UNKL: variants seen among roughly 807,000 people sequenced by gnomAD.
UNKL encodes the protein unk like zinc finger, also known as putative E3 ubiquitin-protein ligase UNKL.
A neutral mutation model predicts 78.0 loss-of-function variants in UNKL; 60 were observed. The ratio of observed to expected loss-of-function variants is 0.77; its 90% CI spans 0.63 to 0.95. The LOEUF (loss-of-function observed/expected upper bound fraction) is 0.95, where lower values mean the gene tolerates loss of function less well. Ranked by LOEUF, UNKL falls within the 40% of genes least tolerant of loss-of-function variation. The pLI is 0.00. For synonymous variants in UNKL, 608 were observed against 474.8 expected (o/e 1.28, Z -3.65); for missense variants, 1,159 against 1,045.7 (o/e 1.11, Z -1.49).
chr16:1,393,245 C>T (rs139825606), intron 7 of UNKL, among the ~76,000 whole-genome samples: 3,032 of 152,300 alleles, frequency 0.02, 43 homozygotes, highest in Non-Finnish European at 0.031. Flanking sequence ...AAATAAAAAA[C>T]AAAGGAAAAT....
At chr16:1,400,348 G>A (rs200977219) in intron 4 of UNKL, among the ~76,000 whole-genome samples, 13 of 140,510 alleles carry the variant, frequency 9.3e-5, no homozygotes, top group South Asian at 2.3e-4. Context: ...AACCTGGCAG[G>A]CGGAGGTTGC....
intron 9 of UNKL, among the ~76,000 whole-genome samples, chr16:1,388,886 T>C (rs984381613): frequency 1.3e-5 from 2 of 152,014 alleles, no homozygotes; most frequent in African/African-American, 4.8e-5. Flanking sequence ...CTGGTTTTTC[T>C]TCTCTGTATT....
rs1018283678 is a variant in UNKL at position 1,363,352 on chromosome 16, C to T, written c.*2888G>A. 4 of 475,126 alleles carry T rather than the reference C, an allele frequency of 8.4e-6. No individual in the cohort carries two copies. The highest frequency in any genetic ancestry group is 4.1e-5 in the East Asian group (1 of 24,586). 29.4% of individuals were successfully genotyped at this position (475,126 alleles called of 1,614,324 possible). The stretch of plus-strand genomic sequence containing the variant: ...TACAAGTAAATGATTATAAATACTA[C>T]CTTCTGGGTTAAGAAAATTCCATTC... On this transcript the variant is annotated 3_prime_UTR_variant, in exon 15 of 15. Coordinates refer to ENST00000389221, the MANE Select transcript of UNKL (RefSeq NM_001372107.1).
At chr16:1,396,535 C>T (rs1015264068) in intron 6 of UNKL, among the ~76,000 whole-genome samples, 1 of 151,884 alleles carries the variant, frequency 6.6e-6, no homozygotes, top group African/African-American at 2.4e-5. Context: ...CTCTGCCTCC[C>T]AAAGTGCTGA....
chr16:1,392,624 G>A (rs147488951), intron 8 of UNKL, among the ~76,000 whole-genome samples: 2 of 152,176 alleles, frequency 1.3e-5, no homozygotes, highest in African/African-American at 4.8e-5. Flanking sequence ...TAGTAGAGAT[G>A]GAGTTTCACC....
chr16:1,408,353 T>G (rs144369981), intron 2 of UNKL: 4,217 of 150,482 alleles, frequency 0.028, 77 homozygotes, highest in Non-Finnish European at 0.041. Context: ...CGGAGGGGCG[T>G]GTCGCGCGGA....
chr16:1,394,293 G>A (rs2037168377), intron 6 of UNKL, 78 bp from the exon 7 acceptor site: 8 of 1,485,614 alleles, frequency 5.4e-6, no homozygotes, highest in South Asian at 1.2e-5. Flanking sequence ...ATCATCCCAA[G>A]GGAGAGGATT....
chr16:1,395,142 G>GA (rs1470179180), intron 6 of UNKL, among the ~76,000 whole-genome samples: 1 of 148,644 alleles, frequency 6.7e-6, no homozygotes, highest in African/African-American at 2.5e-5. Context: ...TTACAGGCGT[G>GA]AACCACCGTG....
Position 1,367,189 on chromosome 16 carries a change from G to A in UNKL, c.1949C>T (p.Pro650Leu), listed in dbSNP as rs761276866. 53 of 1,605,886 alleles carry A rather than the reference G, an allele frequency of 3.3e-5. No homozygotes were observed. Among genetic ancestry groups the A allele is most frequent in the African/African-American group, 1.1e-4 (8 of 74,780 alleles). ...LEGLGVASTLPGLRGCGDIGT... is the reference protein window; with the variant it reads ...LEGLGVASTLLGLRGCGDIGT... The stretch of plus-strand genomic sequence containing the variant: ...GATGTCCCCACAGCCCCGCAGCCCC[G>A]GCAGTGTGGAGGCTACGCCCAGGCC... The change falls in exon 14 of 15, where the codon CCG (proline) becomes CTG (leucine). Residue 650 changes from proline (P) to leucine (L), a missense_variant. By Grantham distance (98) the Pro-to-Leu change is moderately conservative. Coordinates refer to ENST00000389221, the MANE Select transcript of UNKL (RefSeq NM_001372107.1).
At position 1,392,979 on chromosome 16, in the gene UNKL, G is replaced by A; in HGVS notation, c.938-3C>T. 1.3e-6 allele frequency: 2 copies of A among 1,550,468 alleles called. No individual in the cohort carries two copies. Among genetic ancestry groups the A allele is most frequent in the Non-Finnish European group, 1.7e-6 (2 of 1,146,966 alleles). On this transcript the variant is annotated splice_polypyrimidine_tract_variant and splice_region_variant and intron_variant, in intron 7 of 14. Transcript: ENST00000389221. The stretch of plus-strand genomic sequence containing the variant: ...TTCATTCACCATCCCCAGGCTCTCT[G>A]CAAGGACAGGGGAGCAGCAGACTCT...
chr16:1,407,894 T>G (rs532061996), intron 2 of UNKL, among the ~76,000 whole-genome samples: 1 of 151,374 alleles, frequency 6.6e-6, no homozygotes, highest in East Asian at 1.9e-4. Context: ...GCCACGTGTA[T>G]TTTTTTTTCC....
intron 10 of UNKL, among the ~76,000 whole-genome samples, chr16:1,377,710 C>T (rs976003019): frequency 6.6e-6 from 1 of 152,154 alleles, no homozygotes; most frequent in African/African-American, 2.4e-5. Context: ...GCTCTGCAGC[C>T]CCGAGCCCAG....
intron 6 of UNKL, among the ~76,000 whole-genome samples, chr16:1,396,857 T>C (rs2037288018): frequency 6.6e-6 from 1 of 152,198 alleles, no homozygotes. Context: ...GTGCTGGGAT[T>C]ACAGGCGTGA....
chr16:1,379,736 G>T, intron 10 of UNKL: 1 of 954,608 alleles, frequency 1.0e-6, no homozygotes, highest in South Asian at 4.8e-5. Flanking sequence ...AACGTGACTC[G>T]GCCCCGCCCC....
At chr16:1,379,730 T>G (rs1259173660) in intron 10 of UNKL, 2 of 960,460 alleles carry the variant, frequency 2.1e-6, no homozygotes, top group Non-Finnish European at 2.5e-6. Flanking sequence ...CCCCGCAACG[T>G]GACTCGGCCC....
At chr16:1,383,588 A>T in intron 10 of UNKL, 1 of 362,588 alleles carries the variant, frequency 2.8e-6, no homozygotes, top group Non-Finnish European at 5.7e-6. Flanking sequence ...CGCTGGGAAG[A>T]GTCTCTCTCT....
In UNKL at chr16:1,390,625, C is replaced by G. The variant is rs1003991703; in HGVS notation, c.1086+7G>C. 2 of 1,535,858 alleles carry G rather than the reference C, an allele frequency of 1.3e-6. No homozygotes were observed. Among genetic ancestry groups the G allele is most frequent in the African/African-American group, 2.7e-5 (2 of 73,062 alleles). On this transcript the variant is annotated splice_region_variant and intron_variant, in intron 9 of 14. Transcript: ENST00000389221. ...GCACGAGGGTGGGAAACCTTGGGGG[C>G]CTGTACCTGCTTGCTGTCTTGCTCG...
chr16:1,408,563 G>C (rs1285416944), intron 2 of UNKL: 2 of 154,780 alleles, frequency 1.3e-5, no homozygotes, highest in Admixed American at 1.3e-4. Flanking sequence ...GGAGCCATAG[G>C]ATGAGGAAGA....
At chr16:1,407,531 CA>C (rs2142255200) in intron 2 of UNKL, among the ~76,000 whole-genome samples, 1 of 151,920 alleles carries the variant, frequency 6.6e-6, no homozygotes, top group Non-Finnish European at 1.5e-5. Context: ...CCCACCCCTA[CA>C]AAAAATACAA....
Sources: gnomAD v4.1 joint callset for allele counts (sites outside exome capture counted in the v4.1 genomes callset) on GRCh38, gnomAD v4.1.1 for gene constraint, MANE v1.5 for transcripts, NCBI Gene and HGNC (gene_info 2026-07-23, HGNC 2026-07-21) for gene names.